The following RYR3 variants were observed in gnomAD, a reference collection of about 807,000 sequenced individuals.
RYR3 encodes ryanodine receptor 3, also known as brain ryanodine receptor-calcium release channel.
Under a neutral mutation model 584.3 loss-of-function variants are expected in RYR3, and 207 were observed. The observed-to-expected ratio is 0.35, with a 90% confidence interval of 0.32 to 0.40. The LOEUF is 0.40. Ranked by LOEUF, RYR3 falls within the 10% of genes least tolerant of loss-of-function variation. RYR3 has a pLI of 1.00. For missense variants in RYR3, 5,616 were observed against 6,089.2 expected (o/e 0.92, Z 2.59); for synonymous variants, 2,416 against 2,248.5 (o/e 1.07, Z -2.11).
intron 1 of RYR3, among the ~76,000 whole-genome samples, chr15:33,422,789 C>T (rs796477747): frequency 6.6e-6 from 1 of 152,050 alleles, no homozygotes; most frequent in African/African-American, 2.4e-5. Flanking sequence ...GCCTTGTATC[C>T]CCTGTAAAAC....
intron 27 of RYR3, among the ~76,000 whole-genome samples, chr15:33,639,588 G>A (rs538396388): frequency 2.6e-5 from 4 of 152,230 alleles, no homozygotes; most frequent in African/African-American, 7.2e-5. Context: ...AATGCCCGAC[G>A]TGCTTGTGTT....
At chr15:33,325,279 G>A (rs1383047853) in intron 1 of RYR3, among the ~76,000 whole-genome samples, 1 of 152,124 alleles carries the variant, frequency 6.6e-6, no homozygotes, top group African/African-American at 2.4e-5. Context: ...ATGAGATTCT[G>A]GAGCACCATC....
At chr15:33,403,157 A>G (rs184485954) in intron 1 of RYR3, among the ~76,000 whole-genome samples, 176 of 152,368 alleles carry the variant, frequency 1.2e-3, no homozygotes, top group Admixed American at 2.0e-3. Context: ...CCAGGACTCT[A>G]TAAAGAGGTA....
rs150614596 is a variant in RYR3 at position 33,510,470 on chromosome 15, C to T, written c.279+6732C>T. 2.7e-3 allele frequency among the ~76,000 whole-genome samples: 401 copies of T among 151,264 alleles called. 3 individuals are homozygous for T. Among genetic ancestry groups the T allele is most frequent in the African/African-American group, 9.6e-3 (393 of 41,050 alleles). On this transcript the variant is annotated intron_variant, in intron 3 of 103. Coordinates refer to ENST00000634891, the MANE Select transcript of RYR3 (RefSeq NM_001036.6). ...TAATCATTACTTGAGACCTCGGCTC[C>T]CATTTATTTAGGTAGAATGAATAAA...
At chr15:33,385,705 C>T (rs1335289488) in intron 1 of RYR3, among the ~76,000 whole-genome samples, 12 of 75,616 alleles carry the variant, frequency 1.6e-4, no homozygotes, top group South Asian at 4.4e-4. Context: ...TTTTCTTTTT[C>T]TTTTCTTTTT....
chr15:33,609,356 G>A (rs558376653), intron 18 of RYR3, among the ~76,000 whole-genome samples: 1 of 152,194 alleles, frequency 6.6e-6, no homozygotes, highest in South Asian at 2.1e-4. Flanking sequence ...ATCAGTTGAG[G>A]CCAGGAGTTC....
At position 33,414,650 on chromosome 15, in the gene RYR3, G is replaced by A. The variant is rs1008045557; in HGVS notation, c.52-58769G>A. On this transcript the variant is annotated intron_variant, in intron 1 of 103. Transcript: ENST00000634891. ...GATGGAGTCTCGCTCTGTCGCCCAG[G>A]CTGGAGTGCAGTGGCGTGATCTCAG... is the stretch of plus-strand genomic sequence containing the variant. 5.9e-5 allele frequency among the ~76,000 whole-genome samples: 9 copies of A among 152,278 alleles called. 1 individual carries two copies. The highest frequency in any genetic ancestry group is 1.3e-4 in the Admixed American group (2 of 15,302).
intron 3 of RYR3, among the ~76,000 whole-genome samples, chr15:33,521,319 T>C (rs117146506): frequency 0.026 from 3,918 of 152,316 alleles, 63 homozygotes; most frequent in Non-Finnish European, 0.041. Context: ...AATTTACACC[T>C]TCTCAAATTA....
chr15:33,692,254 A>G (rs1231162072), intron 38 of RYR3, among the ~76,000 whole-genome samples: 1 of 152,234 alleles, frequency 6.6e-6, no homozygotes, highest in East Asian at 1.9e-4. Context: ...AAGAATTTTT[A>G]GTAGCATTGC....
At chr15:33,670,358 G>C (rs11072596) in intron 37 of RYR3, 61 bp from the exon 38 acceptor site, 1,141,265 of 1,566,814 alleles carry the variant, frequency 0.73, 417,473 homozygotes, top group Non-Finnish European at 0.75. Context: ...AATGTTCTTT[G>C]TGACACTATG....
chr15:33,629,632 G>T (rs1751550703), intron 21 of RYR3, among the ~76,000 whole-genome samples: 1 of 152,172 alleles, frequency 6.6e-6, no homozygotes, highest in African/African-American at 2.4e-5. Context: ...GAAACGTTAT[G>T]GTTACATGAA....
At chr15:33,723,399 C>T (rs1477941466) in intron 44 of RYR3, among the ~76,000 whole-genome samples, 2 of 152,136 alleles carry the variant, frequency 1.3e-5, no homozygotes, top group African/African-American at 4.8e-5. Flanking sequence ...TGTGAAAAGT[C>T]GCAGCACTGT....
At chr15:33,653,477 C>G (rs2062619433) in intron 32 of RYR3, among the ~76,000 whole-genome samples, 1 of 152,018 alleles carries the variant, frequency 6.6e-6, no homozygotes, top group South Asian at 2.1e-4. Context: ...TGAGACCATC[C>G]TGGCTAGCAT....
intron 38 of RYR3, among the ~76,000 whole-genome samples, chr15:33,671,888 C>T (rs181392335): frequency 2.1e-4 from 30 of 142,580 alleles, no homozygotes; most frequent in Middle Eastern, 3.8e-3. Context: ...GATCTCCACT[C>T]ACTGCAACCT....
chr15:33,472,128 C>T (rs748766394), intron 1 of RYR3, among the ~76,000 whole-genome samples: 43 of 152,180 alleles, frequency 2.8e-4, no homozygotes, highest in Non-Finnish European at 5.9e-4. Context: ...AGATAATGAA[C>T]AGTGACATTT....
chr15:33,668,324 C>A (rs2063612533), intron 36 of RYR3, among the ~76,000 whole-genome samples: 1 of 151,332 alleles, frequency 6.6e-6, no homozygotes, highest in Non-Finnish European at 1.5e-5. Context: ...CTCAAAAAAA[C>A]AAACAAACAA....
At chr15:33,556,867 C>T (rs1475986037) in intron 10 of RYR3, among the ~76,000 whole-genome samples, 2 of 151,434 alleles carry the variant, frequency 1.3e-5, no homozygotes, top group East Asian at 3.9e-4. Context: ...TTTCCCCAAA[C>T]TCCAATTGTA....
chr15:33,600,151 G>T (rs2059587750), intron 16 of RYR3, among the ~76,000 whole-genome samples: 1 of 152,234 alleles, frequency 6.6e-6, no homozygotes, highest in South Asian at 2.1e-4. Flanking sequence ...CTGCATTTGG[G>T]ATTCTTTTCT....
At chr15:33,773,667 T>A (rs2073783312) in intron 64 of RYR3, 52 bp downstream of exon 64, 1 of 1,104,410 alleles carries the variant, frequency 9.1e-7, no homozygotes, top group Non-Finnish European at 1.4e-6. Flanking sequence ...AAATGTTACT[T>A]ACAGCCTTTT....
Sources: allele counts gnomAD v4.1 joint callset (sites outside exome capture counted in the v4.1 genomes callset), GRCh38; gene constraint gnomAD v4.1.1; transcripts MANE v1.5; gene names NCBI Gene and HGNC (gene_info 2026-07-23, HGNC 2026-07-21).